The following C8B variants were observed in gnomAD, a reference collection of about 807,000 sequenced individuals.
The protein encoded by C8B is complement component C8 beta chain.
C8B carries 67 observed loss-of-function variants against 64.6 expected under a neutral mutation model. That is an observed-to-expected ratio of 1.04 (90% confidence interval 0.85 to 1.27). The LOEUF is 1.27. C8B is among the 50% of genes most tolerant of loss of function. The probability of loss-of-function intolerance (pLI) is 0.00; values close to 1 mark genes in which losing one functional copy is unlikely to be tolerated. For synonymous variants in C8B, 284 were observed against 257.7 expected, an observed-to-expected ratio of 1.10 and a Z score of -0.98; for missense variants, 790 against 725.2, an observed-to-expected ratio of 1.09 and a Z score of -1.03.
At chr1:56,959,382 C>A (rs1336223937) in intron 2 of C8B, 1 of 628,744 alleles carries the variant, frequency 1.6e-6, no homozygotes, top group Non-Finnish European at 2.8e-6. Flanking sequence ...AAGGAGCTAT[C>A]GAAGCTCATA....
chr1:56,955,149 C>T (rs1443754458), intron 3 of C8B, among the ~76,000 whole-genome samples: 1 of 152,178 alleles, frequency 6.6e-6, no homozygotes, highest in Non-Finnish European at 1.5e-5. Flanking sequence ...TCTCTTGTTA[C>T]TTAACCTCTC....
chr1:56,940,837 A>G lies in C8B; in HGVS notation c.1398+12T>C. Reference sequence around the variant, plus strand: ...GGGTGGAGGAAAGGATGGGTAGAGCAGCGTTGTGTACCTTAACTTTGATGA... The same window carrying G: ...GGGTGGAGGAAAGGATGGGTAGAGCGGCGTTGTGTACCTTAACTTTGATGA... On this transcript the variant is annotated intron_variant, in intron 9 of 11. Transcript: ENST00000371237. 6.2e-7 allele frequency: 1 copy of G among 1,614,024 alleles called. No homozygotes were observed. Among genetic ancestry groups the G allele is most frequent in the South Asian group, 1.1e-5 (1 of 91,086 alleles).
chr1:56,960,209 A>G, intron 1 of C8B, 33 bp from the exon 2 acceptor site: 2 of 1,601,132 alleles, frequency 1.2e-6, no homozygotes, highest in Admixed American at 3.3e-5. Flanking sequence ...AGAGTCACGT[A>G]TCAGAAGGGA....
At chr1:56,949,477 T>C in intron 6 of C8B, 78 bp downstream of exon 6, 1 of 1,264,320 alleles carries the variant, frequency 7.9e-7, no homozygotes, top group Non-Finnish European at 1.2e-6. Flanking sequence ...AAATCATCCA[T>C]TCTGTGGTGT....
At chr1:56,934,152 A>G (rs74605553) in intron 9 of C8B, among the ~76,000 whole-genome samples, 1 of 118,936 alleles carries the variant, frequency 8.4e-6, no homozygotes, top group East Asian at 2.5e-4. Flanking sequence ...TTTTTTTTTT[A>G]TGTGCAGGGT....
chr1:56,933,300 T>C, intron 10 of C8B, 35 bp downstream of exon 10: 1 of 1,596,612 alleles, frequency 6.3e-7, no homozygotes, highest in Non-Finnish European at 8.6e-7. Context: ...AGATTATGGC[T>C]TCCACCAGGG....
chr1:56,950,947 G>A (rs1645011927), intron 5 of C8B, among the ~76,000 whole-genome samples: 1 of 152,188 alleles, frequency 6.6e-6, no homozygotes, highest in South Asian at 2.1e-4. Flanking sequence ...GAAATTAGAG[G>A]TTTTGAGGAT....
chr1:56,944,189 C>G (rs1300670029), intron 7 of C8B, among the ~76,000 whole-genome samples: 2 of 152,130 alleles, frequency 1.3e-5, no homozygotes, highest in African/African-American at 2.4e-5. Context: ...CCTGACCCAC[C>G]CTTCTCCAAT....
rs1220107293 is a variant in C8B, at chr1:56,947,643, A to C, written c.865-1582T>G. ...TGTATTACAACTGATATAATTAAGAAAAATATGGCCGGGAGTGGTGGCTCA... is the reference window on the plus strand; with the variant it reads ...TGTATTACAACTGATATAATTAAGACAAATATGGCCGGGAGTGGTGGCTCA... On this transcript the variant is annotated intron_variant, in intron 6 of 11. Coordinates refer to ENST00000371237, the MANE Select transcript of C8B (RefSeq NM_000066.4). Among the ~76,000 whole-genome samples the C allele has an allele frequency of 4.6e-5, 7 of 152,146 alleles. No homozygotes were observed. In the East Asian group the frequency reaches 1.3e-3, roughly 29 times the overall value.
intron 5 of C8B, among the ~76,000 whole-genome samples, chr1:56,950,081 T>C (rs1219831060): frequency 6.6e-6 from 1 of 152,192 alleles, no homozygotes; most frequent in Non-Finnish European, 1.5e-5. Context: ...CCCCAGGAAC[T>C]GCAAGGATAG....
At chr1:56,950,586 G>C (rs898126081) in intron 5 of C8B, among the ~76,000 whole-genome samples, 2 of 152,176 alleles carry the variant, frequency 1.3e-5, no homozygotes, top group African/African-American at 4.8e-5. Context: ...TCCCAGACAA[G>C]GGTGCAACAG....
intron 7 of C8B, 104 bp from the exon 8 acceptor site, chr1:56,943,928 A>C: frequency 7.4e-7 from 1 of 1,351,710 alleles, no homozygotes; most frequent in Non-Finnish European, 1.0e-6. Context: ...TGTCACAAGG[A>C]CTCGGGTTCA....
intron 1 of C8B, among the ~76,000 whole-genome samples, chr1:56,964,803 G>A (rs1645228977): frequency 6.6e-6 from 1 of 152,208 alleles, no homozygotes; most frequent in African/African-American, 2.4e-5. Context: ...AGATAGGGTT[G>A]CTATGGTTCC....
At chr1:56,939,689 C>T (rs957759615) in intron 9 of C8B, among the ~76,000 whole-genome samples, 4 of 152,320 alleles carry the variant, frequency 2.6e-5, no homozygotes, top group Non-Finnish European at 5.9e-5. Flanking sequence ...TAAAACTCCT[C>T]TAGTTTGGGT....
rs761965 is a variant in C8B at position 56,941,509 on chromosome 1, C to G, written c.1235-497G>C. Among the ~76,000 whole-genome samples the G allele has an allele frequency of 6.9e-3, 598 of 86,760 alleles. 1 individual carries two copies. Among genetic ancestry groups the G allele is most frequent in the African/African-American group, 0.017 (476 of 27,234 alleles). 56.9% of individuals were successfully genotyped at this position (86,760 alleles called of 152,430 possible). ...GTAGATAATAGTAGATAGATAGATACATAGATAGATAGATAGATAGATAGA... is the reference window on the plus strand; with the variant it reads ...GTAGATAATAGTAGATAGATAGATAGATAGATAGATAGATAGATAGATAGA... On this transcript the variant is annotated intron_variant, in intron 8 of 11. Transcript: ENST00000371237.
In C8B at chr1:56,932,817, C is replaced by A. The variant is rs1187840019; in HGVS notation, c.1552+518G>T. Among the ~76,000 whole-genome samples, 6 of 152,166 alleles carry A rather than the reference C, an allele frequency of 3.9e-5. No individual in the cohort carries two copies. In the East Asian group the frequency reaches 7.7e-4, roughly 20 times the overall value. ...TCCCTGGGCTGAGACTTGCTGTAAC[C>A]AGTTGCTCCTGATGCCCTGTTTTGT... On this transcript the variant is annotated intron_variant, in intron 10 of 11. Transcript: ENST00000371237.
chr1:56,949,791 A>T (rs1644994645), intron 5 of C8B, 39 bp from the exon 6 acceptor site: 1 of 1,453,554 alleles, frequency 6.9e-7, no homozygotes, highest in Non-Finnish European at 9.5e-7. Flanking sequence ...ATTTCATTTG[A>T]CTCAAATCAG....
chr1:56,931,874 T>C lies in C8B; in HGVS notation c.1557A>G (p.Ser519=). 6.2e-7 allele frequency: 1 copy of C among 1,611,838 alleles called. No homozygotes were observed. The highest frequency in any genetic ancestry group is 2.2e-5 in the East Asian group (1 of 44,840). The change falls in exon 11 of 12, where the codon TCA becomes TCG. Residue 519 remains serine (S), a synonymous_variant. Coordinates refer to ENST00000371237, the MANE Select transcript of C8B (RefSeq NM_000066.4). ...QGNGVPVLKG[S]RCDCICPVGS... is the part of the protein sequence containing the mutation. The stretch of plus-strand genomic sequence containing the variant: ...CAACAGGACAGATGCAGTCACAGCG[T>C]GATCCTGAGAAGACAAGGCAGAGAA...
chr1:56,946,146 A>C (rs971488583), intron 6 of C8B, 85 bp from the exon 7 acceptor site: 4 of 1,524,844 alleles, frequency 2.6e-6, no homozygotes, highest in Non-Finnish European at 3.6e-6. Flanking sequence ...ATACCATCCG[A>C]TGTTCTTGGC....
Sources: allele counts gnomAD v4.1 joint callset (sites outside exome capture counted in the v4.1 genomes callset), GRCh38; gene constraint gnomAD v4.1.1; transcripts MANE v1.5; gene names NCBI Gene and HGNC (gene_info 2026-07-23, HGNC 2026-07-21).